The following TBC1D5 variants were observed in gnomAD, a reference collection of about 807,000 sequenced individuals.
TBC1D5 encodes TBC1 domain family, member 5.
A neutral mutation model predicts 100.3 loss-of-function variants in TBC1D5; 75 were observed. The observed-to-expected ratio is 0.75, with a 90% CI of 0.62 to 0.91. The LOEUF is 0.91. Among genes scored for constraint, TBC1D5 ranks in the 40% least tolerant of loss-of-function variants. The pLI is 0.00. For synonymous variants in TBC1D5, 323 were observed against 325.6 expected, an observed-to-expected ratio of 0.99 and a Z score of 0.09; for missense variants, 910 against 942.4, an observed-to-expected ratio of 0.97 and a Z score of 0.45.
intron 1 of TBC1D5, among the ~76,000 whole-genome samples, chr3:17,654,026 C>G (rs2065828891): frequency 6.6e-6 from 1 of 151,988 alleles, no homozygotes; most frequent in Non-Finnish European, 1.5e-5. Context: ...AGAGTAGATT[C>G]CTCAGTCAAG....
At chr3:17,602,055 T>A (rs1285880353) in intron 2 of TBC1D5, among the ~76,000 whole-genome samples, 2 of 152,070 alleles carry the variant, frequency 1.3e-5, no homozygotes, top group Non-Finnish European at 2.9e-5. Context: ...ATGGTCTCAA[T>A]CCCCTGACCT....
intron 2 of TBC1D5, among the ~76,000 whole-genome samples, chr3:17,603,798 C>A (rs2061159827): frequency 6.6e-6 from 1 of 152,068 alleles, no homozygotes; most frequent in Admixed American, 6.6e-5. Flanking sequence ...CAGGCACGCA[C>A]CACGCCTAGC....
chr3:17,344,912 T>C (rs1168312573), intron 13 of TBC1D5, among the ~76,000 whole-genome samples: 3 of 151,948 alleles, frequency 2.0e-5, no homozygotes, highest in Admixed American at 6.6e-5. Flanking sequence ...ATACAAAAAT[T>C]AATTCAAGAT....
intron 19 of TBC1D5, among the ~76,000 whole-genome samples, chr3:17,169,696 A>T (rs1276365414): frequency 4.6e-5 from 7 of 152,362 alleles, no homozygotes; most frequent in Admixed American, 3.9e-4. Flanking sequence ...AAAAAAAACA[A>T]AAAACAAAAT....
At chr3:17,508,628 G>GAAA in intron 2 of TBC1D5, 23 bp from the exon 3 acceptor site, 1 of 1,169,346 alleles carries the variant, frequency 8.6e-7, no homozygotes, top group Non-Finnish European at 1.3e-6. Context: ...AAAATACAGA[G>GAAA]AAAAATAATA....
At chr3:17,169,463 A>G (rs978416669) in intron 19 of TBC1D5, among the ~76,000 whole-genome samples, 2 of 152,240 alleles carry the variant, frequency 1.3e-5, no homozygotes, top group Non-Finnish European at 2.9e-5. Flanking sequence ...AGAATCTTCA[A>G]TAAGAATAAA....
At chr3:17,707,602 A>G in intron 1 of TBC1D5, among the ~76,000 whole-genome samples, 1 of 152,312 alleles carries the variant, frequency 6.6e-6, no homozygotes, top group South Asian at 2.1e-4. Flanking sequence ...ATTCTAATAT[A>G]AAAAGATGAT....
intron 3 of TBC1D5, among the ~76,000 whole-genome samples, chr3:17,501,312 T>C (rs2095785653): frequency 6.7e-6 from 1 of 149,620 alleles, no homozygotes; most frequent in South Asian, 2.1e-4. Context: ...CACCACACAA[T>C]GTTTCACCAA....
chr3:17,713,632 T>C (rs1379848794), intron 1 of TBC1D5, among the ~76,000 whole-genome samples: 2 of 152,110 alleles, frequency 1.3e-5, no homozygotes, highest in Non-Finnish European at 2.9e-5. Flanking sequence ...TGTTTCTAAA[T>C]CATATATGAG....
intron 17 of TBC1D5, among the ~76,000 whole-genome samples, chr3:17,228,785 C>G (rs1418417952): frequency 2.0e-5 from 3 of 151,792 alleles, no homozygotes; most frequent in Non-Finnish European, 4.4e-5. Context: ...TTCTCTTTCC[C>G]TCTCTGAAAC....
At chr3:17,546,243 C>G (rs1348869223) in intron 2 of TBC1D5, among the ~76,000 whole-genome samples, 2 of 152,152 alleles carry the variant, frequency 1.3e-5, no homozygotes, top group African/African-American at 4.8e-5. Context: ...CATGGAAACA[C>G]TATCATAGAA....
rs959363403 is a variant in TBC1D5, at chr3:17,451,759, A to C, written c.98-23240T>G. ...GCATATTCTGCACATGTATACCAGA[A>C]CTTAAAGTAAAATATTAGCCGGGCG... On this transcript the variant is annotated intron_variant, in intron 3 of 21. Transcript: ENST00000253692. Among the ~76,000 whole-genome samples the C allele has an allele frequency of 3.9e-5, 6 of 152,284 alleles. 1 individual carries two copies. The South Asian group carries it at 6.2e-4, about 16-fold the overall frequency.
At chr3:17,488,526 T>A (rs2095598832) in intron 3 of TBC1D5, among the ~76,000 whole-genome samples, 1 of 152,174 alleles carries the variant, frequency 6.6e-6, no homozygotes, top group Admixed American at 6.5e-5. Flanking sequence ...ATGGTAAGAG[T>A]ATGTACAATT....
chr3:17,436,308 T>C (rs970788952), intron 3 of TBC1D5, among the ~76,000 whole-genome samples: 2 of 152,214 alleles, frequency 1.3e-5, no homozygotes, highest in East Asian at 1.9e-4. Flanking sequence ...GATAAATGTA[T>C]GTAAAGTGCT....
intron 18 of TBC1D5, among the ~76,000 whole-genome samples, chr3:17,186,554 C>A (rs1261460155): frequency 6.6e-6 from 1 of 150,844 alleles, no homozygotes; most frequent in Non-Finnish European, 1.5e-5. Flanking sequence ...ACTAAAAATG[C>A]AACAAATTAG....
rs529555804 is a variant in TBC1D5, at chr3:17,654,196, C to T, written c.-100-30283G>A. Among the ~76,000 whole-genome samples, 4 of 152,120 alleles carry T rather than the reference C, an allele frequency of 2.6e-5. 1 individual carries two copies. The South Asian group carries it at 8.3e-4, about 32-fold the overall frequency. Reference sequence around the variant, plus strand: ...AGGTTCCTACTATATTTTAAATTTACTATTAAAATGAGAAAAGTATATTCA... The same window carrying T: ...AGGTTCCTACTATATTTTAAATTTATTATTAAAATGAGAAAAGTATATTCA... On this transcript the variant is annotated intron_variant, in intron 1 of 21. Transcript: ENST00000253692.
intron 3 of TBC1D5, among the ~76,000 whole-genome samples, chr3:17,493,605 C>T (rs115410162): frequency 0.062 from 9,376 of 152,174 alleles, 540 homozygotes; most frequent in African/African-American, 0.15. Flanking sequence ...CCATAGTTCT[C>T]AGAGGTTTTG....
intron 3 of TBC1D5, among the ~76,000 whole-genome samples, chr3:17,490,355 C>T (rs1452591416): frequency 6.6e-6 from 1 of 152,062 alleles, no homozygotes; most frequent in African/African-American, 2.4e-5. Context: ...TCCCATTTGT[C>T]AATTTTTGCT....
chr3:17,549,942 T>G (rs1268870999), intron 2 of TBC1D5, among the ~76,000 whole-genome samples: 1 of 150,038 alleles, frequency 6.7e-6, no homozygotes, highest in Non-Finnish European at 1.5e-5. Flanking sequence ...ATAATAATAA[T>G]AATAATAATA....
Sources: gnomAD v4.1 joint callset for allele counts (sites outside exome capture counted in the v4.1 genomes callset) on GRCh38, gnomAD v4.1.1 for gene constraint, MANE v1.5 for transcripts, NCBI Gene and HGNC (gene_info 2026-07-23, HGNC 2026-07-21) for gene names.